The following SCOC variants were observed in gnomAD, a reference collection of about 807,000 sequenced individuals.
SCOC encodes the protein short coiled coil protein.
Under a neutral mutation model 9.9 loss-of-function variants are expected in SCOC, and 7 were observed. The ratio of observed to expected loss-of-function variants is 0.71; its 90% CI spans 0.40 to 1.33. The LOEUF (loss-of-function observed/expected upper bound fraction) is 1.33, where lower values mean the gene tolerates loss of function less well. Among genes scored for constraint, SCOC ranks in the 40% most tolerant of loss-of-function variants. The pLI is 0.01. For synonymous variants in SCOC, 19 were observed against 28.2 expected, an observed-to-expected ratio of 0.67 and a Z score of 1.03; for missense variants, 66 against 89.7, an observed-to-expected ratio of 0.74 and a Z score of 1.07.
chr4:140,366,383 C>A, intron 2 of SCOC: 1 of 1,296,252 alleles, frequency 7.7e-7, no homozygotes, highest in Non-Finnish European at 1.1e-6. Context: ...CAGCGGTCAT[C>A]TTTTTGCTAG....
chr4:140,317,129 CCTAAGACAGGGGACT>C (rs1732344497), intron 1 of SCOC, among the ~76,000 whole-genome samples: 1 of 152,120 alleles, frequency 6.6e-6, no homozygotes, highest in African/African-American at 2.4e-5. Flanking sequence ...CCAAGCCACA[CCTAAGACAGGGGACT>C]CTCTTGTAAG....
At position 140,269,194 on chromosome 4, in the gene SCOC, T is replaced by C. The variant is rs911454906; in HGVS notation, c.-19+11784T>C. Among the ~76,000 whole-genome samples the C allele has an allele frequency of 1.1e-4, 16 of 152,174 alleles. 2 individuals carry two copies. The highest frequency in any genetic ancestry group is 9.2e-4 in the Admixed American group (14 of 15,280). Reference sequence around the variant, plus strand: ...TAGTTTAGAAATGTGGCCCACAAATTCTTTGACACTCCTCCTATGAAAATG... The same window carrying C: ...TAGTTTAGAAATGTGGCCCACAAATCCTTTGACACTCCTCCTATGAAAATG... On this transcript the variant is annotated intron_variant, in intron 1 of 4. Transcript: ENST00000394205.
chr4:140,373,352 G>T (rs747884162), upstream of SCOC: 12 of 1,431,202 alleles, frequency 8.4e-6, no homozygotes, highest in Middle Eastern at 2.4e-4. Flanking sequence ...CAGGTTTCCT[G>T]ATAGACCTGA....
chr4:140,304,818 A>G (rs1167384757), intron 1 of SCOC, among the ~76,000 whole-genome samples: 1 of 152,194 alleles, frequency 6.6e-6, no homozygotes, highest in African/African-American at 2.4e-5. Flanking sequence ...CAACAAACCT[A>G]ACGCTGCCCT....
chr4:140,263,696 C>T (rs575184177), intron 1 of SCOC, among the ~76,000 whole-genome samples: 2 of 152,270 alleles, frequency 1.3e-5, no homozygotes, highest in South Asian at 4.1e-4. Context: ...GCCCCTTTTA[C>T]TTGGCTTAGT....
At chr4:140,285,401 T>TA (rs777945744) in intron 1 of SCOC, 4 of 409,198 alleles carry the variant, frequency 9.8e-6, no homozygotes, top group Non-Finnish European at 2.0e-5. Context: ...AGAGTGTACT[T>TA]ATTTGATGTG....
At chr4:140,278,311 T>C (rs1341327122) in intron 1 of SCOC, among the ~76,000 whole-genome samples, 1 of 151,970 alleles carries the variant, frequency 6.6e-6, no homozygotes, top group Non-Finnish European at 1.5e-5. Context: ...AGCCTTTTTT[T>C]TTTTTTGAGA....
At chr4:140,376,827 A>G (rs771153736) in intron 1 of SCOC, 49 of 152,196 alleles carry the variant, frequency 3.2e-4, no homozygotes, top group Non-Finnish European at 2.9e-4. Flanking sequence ...TTTAATTTAA[A>G]TATTAGTCTG....
chr4:140,293,656 C>G (rs931850476), intron 1 of SCOC, among the ~76,000 whole-genome samples: 6 of 152,208 alleles, frequency 3.9e-5, no homozygotes, highest in African/African-American at 1.4e-4. Flanking sequence ...TCCAGTACAC[C>G]TACCATTCCC....
intron 1 of SCOC, among the ~76,000 whole-genome samples, chr4:140,337,441 A>T (rs1279156444): frequency 6.6e-6 from 1 of 152,200 alleles, no homozygotes; most frequent in African/African-American, 2.4e-5. Context: ...ACAAAGCTAC[A>T]GTAATCAAAA....
At chr4:140,346,555 G>C (rs965551279) in intron 2 of SCOC, among the ~76,000 whole-genome samples, 1 of 152,182 alleles carries the variant, frequency 6.6e-6, no homozygotes, top group Non-Finnish European at 1.5e-5. Context: ...AGGTTTGTTT[G>C]AGGAAAGGAT....
chr4:140,330,089 G>C (rs1222533806), intron 1 of SCOC, among the ~76,000 whole-genome samples: 1 of 152,140 alleles, frequency 6.6e-6, no homozygotes, highest in African/African-American at 2.4e-5. Flanking sequence ...TAAAGAAAGT[G>C]TGGTATATGT....
intron 2 of SCOC, among the ~76,000 whole-genome samples, chr4:140,355,224 T>TG (rs1553940406): frequency 1.0e-4 from 8 of 80,216 alleles, no homozygotes; most frequent in African/African-American, 2.0e-4. Context: ...TATATATATA[T>TG]ATATATATAT....
chr4:140,259,430 G>A (rs189469501), intron 1 of SCOC, among the ~76,000 whole-genome samples: 1 of 152,228 alleles, frequency 6.6e-6, no homozygotes, highest in African/African-American at 2.4e-5. Flanking sequence ...TTCAAAAATC[G>A]CCCTACAGTT....
intron 1 of SCOC, among the ~76,000 whole-genome samples, chr4:140,300,883 G>A (rs1405673349): frequency 6.6e-6 from 1 of 152,200 alleles, no homozygotes; most frequent in African/African-American, 2.4e-5. Flanking sequence ...CTTCTGCAAT[G>A]AGTCTCAGGA....
chr4:140,332,885 C>G (rs748981021), intron 1 of SCOC, among the ~76,000 whole-genome samples: 3 of 152,162 alleles, frequency 2.0e-5, no homozygotes, highest in African/African-American at 7.2e-5. Flanking sequence ...ACCCCTCACC[C>G]TTTAACCAGT....
At chr4:140,367,911 G>T (rs1051474328) in intron 2 of SCOC, among the ~76,000 whole-genome samples, 1 of 152,114 alleles carries the variant, frequency 6.6e-6, no homozygotes, top group African/African-American at 2.4e-5. Context: ...TTAAATATAG[G>T]GAACCATTCA....
At chr4:140,272,547 C>A (rs1730869971) in intron 1 of SCOC, among the ~76,000 whole-genome samples, 1 of 152,170 alleles carries the variant, frequency 6.6e-6, no homozygotes, top group African/African-American at 2.4e-5. Context: ...TGATAAGAAT[C>A]TAACTAGAAT....
intron 1 of SCOC, among the ~76,000 whole-genome samples, chr4:140,282,643 C>T (rs1259956386): frequency 2.6e-5 from 4 of 152,154 alleles, no homozygotes; most frequent in Admixed American, 1.3e-4. Flanking sequence ...TATAGGGGGG[C>T]GATGCTCCTT....
Sources: allele counts gnomAD v4.1 joint callset (sites outside exome capture counted in the v4.1 genomes callset), GRCh38; gene constraint gnomAD v4.1.1; transcripts MANE v1.5; gene names NCBI Gene and HGNC (gene_info 2026-07-23, HGNC 2026-07-21).